CACNG5: variants seen among roughly 807,000 people sequenced by gnomAD.
CACNG5 encodes the protein voltage-dependent calcium channel gamma-5 subunit.
In CACNG5, 18 loss-of-function variants were observed where a neutral mutation model predicts 24.8. The observed-to-expected ratio is 0.73, with a 90% CI of 0.50 to 1.08. The LOEUF is 1.08. Among genes scored for constraint, CACNG5 ranks in the 50% least tolerant of loss-of-function variants. The probability of loss-of-function intolerance (pLI) is 0.00; values close to 1 mark genes in which losing one functional copy is unlikely to be tolerated. For synonymous variants in CACNG5, 157 were observed against 149.1 expected, an observed-to-expected ratio of 1.05 and a Z score of -0.39; for missense variants, 349 against 367.9, an observed-to-expected ratio of 0.95 and a Z score of 0.42.
rs910253072 is a variant in CACNG5 at position 66,835,173 on chromosome 17, C to A, written c.-181C>A. On this transcript the variant is annotated 5_prime_UTR_variant, in exon 1 of 6. Transcript: ENST00000533854. ...GGGGCGGGCGTCCCGGGCAGCCTAG[C>A]GCGGTACCTCCCGCCCCGCGCGCCC... is the stretch of plus-strand genomic sequence containing the variant. 33 of 152,386 alleles carry A rather than the reference C, an allele frequency of 2.2e-4. No individual in the cohort carries two copies. The highest frequency in any genetic ancestry group is 7.9e-4 in the African/African-American group (33 of 41,592). 9.4% of individuals were successfully genotyped at this position (152,386 alleles called of 1,614,324 possible). A position where few individuals can be genotyped will look rare whatever the true frequency, so the allele number is the denominator to read the frequency against.
intron 1 of CACNG5, among the ~76,000 whole-genome samples, chr17:66,857,042 C>A (rs1976788250): frequency 2.1e-5 from 3 of 146,230 alleles, no homozygotes; most frequent in Non-Finnish European, 3.0e-5. Context: ...ATATAGAAAA[C>A]ACATTTTTAT....
chr17:66,861,899 G>A (rs759968105), intron 1 of CACNG5, among the ~76,000 whole-genome samples: 34 of 152,254 alleles, frequency 2.2e-4, no homozygotes, highest in Admixed American at 3.9e-4. Context: ...TAAGGAAGAA[G>A]AAAGCATGCA....
At chr17:66,838,665 A>G (rs1303125965) in intron 1 of CACNG5, among the ~76,000 whole-genome samples, 1 of 152,100 alleles carries the variant, frequency 6.6e-6, no homozygotes, top group African/African-American at 2.4e-5. Flanking sequence ...CACCCAAGGG[A>G]CCATCCTTAA....
intron 1 of CACNG5, among the ~76,000 whole-genome samples, chr17:66,847,440 A>G (rs541538705): frequency 6.6e-6 from 1 of 152,228 alleles, no homozygotes; most frequent in Non-Finnish European, 1.5e-5. Flanking sequence ...GCAAAAGCAC[A>G]TCTTACATGG....
chr17:66,872,680 C>T (rs1034185835), intron 1 of CACNG5, among the ~76,000 whole-genome samples: 2 of 152,142 alleles, frequency 1.3e-5, no homozygotes, highest in South Asian at 4.1e-4. Context: ...GCACTTCTCC[C>T]CTCTGGATCT....
chr17:66,871,804 G>A (rs1199464861), intron 1 of CACNG5, among the ~76,000 whole-genome samples: 1 of 152,150 alleles, frequency 6.6e-6, no homozygotes. Context: ...AGCTTGCAGT[G>A]AGCCAAGATC....
chr17:66,862,740 C>T (rs560164823), intron 1 of CACNG5, among the ~76,000 whole-genome samples: 2 of 144,356 alleles, frequency 1.4e-5, no homozygotes, highest in African/African-American at 2.6e-5. Flanking sequence ...TCAATATAGC[C>T]GTAAAGTACA....
At chr17:66,859,848 C>T (rs1231431169) in intron 1 of CACNG5, among the ~76,000 whole-genome samples, 1 of 152,114 alleles carries the variant, frequency 6.6e-6, no homozygotes, top group Non-Finnish European at 1.5e-5. Context: ...CCCCCTTCCC[C>T]TCTTCTCTCC....
chr17:66,836,843 C>T (rs1231130723), intron 1 of CACNG5, among the ~76,000 whole-genome samples: 1 of 152,218 alleles, frequency 6.6e-6, no homozygotes, highest in African/African-American at 2.4e-5. Context: ...GCTGGCTGCA[C>T]CCCAGGCCCC....
intron 1 of CACNG5, among the ~76,000 whole-genome samples, chr17:66,870,060 G>A (rs1475697141): frequency 6.6e-6 from 1 of 151,692 alleles, no homozygotes; most frequent in African/African-American, 2.4e-5. Flanking sequence ...TCCAGCCTGG[G>A]CAAAAAGAGT....
chr17:66,877,324 T>A lies in CACNG5; in HGVS notation c.-9T>A, dbSNP rs1179080070. Reference sequence around the variant, plus strand: ...GTGGCGACTAGTTGCACAGCAACGGTCCAGGAAGATGAGTGCCTGCGGGAG... The same window carrying A: ...GTGGCGACTAGTTGCACAGCAACGGACCAGGAAGATGAGTGCCTGCGGGAG... On this transcript the variant is annotated 5_prime_UTR_variant, in exon 2 of 6. Transcript: ENST00000533854. 6.2e-7 allele frequency: 1 copy of A among 1,612,192 alleles called. No homozygotes were observed. Among genetic ancestry groups the A allele is most frequent in the Non-Finnish European group, 8.5e-7 (1 of 1,178,876 alleles).
Position 66,877,548 on chromosome 17 carries a change from G to A in CACNG5, c.196+20G>A. 1.2e-6 allele frequency: 2 copies of A among 1,606,594 alleles called. No individual in the cohort carries two copies. The highest frequency in any genetic ancestry group is 1.7e-5 in the Admixed American group (1 of 59,866). On this transcript the variant is annotated intron_variant, in intron 2 of 5. Coordinates refer to ENST00000533854, the MANE Select transcript of CACNG5 (RefSeq NM_145811.3). ...TTGCAGGTAAGGGTGCCCAGGGTTG[G>A]GGACAGCCCTGCCCCCTGACATCAC...
intron 1 of CACNG5, among the ~76,000 whole-genome samples, chr17:66,851,549 T>C (rs1976709636): frequency 6.6e-6 from 1 of 152,200 alleles, no homozygotes; most frequent in Admixed American, 6.5e-5. Context: ...CCAATGTGTT[T>C]AAAACAACAA....
rs763479267 is a variant in CACNG5, at chr17:66,886,030, A to G, written c.*790A>G. On this transcript the variant is annotated 3_prime_UTR_variant, in exon 6 of 6. Coordinates refer to ENST00000533854, the MANE Select transcript of CACNG5 (RefSeq NM_145811.3). ...ACAGGAGCCTTTTATGCCTTAACCC[A>G]AATAACTGATTCTGACAATGAGAAT... 2.0e-5 allele frequency among the ~76,000 whole-genome samples: 3 copies of G among 152,232 alleles called. No homozygotes were observed. Among genetic ancestry groups the G allele is most frequent in the African/African-American group, 4.8e-5 (2 of 41,460 alleles).
Position 66,884,562 on chromosome 17 carries a change from C to A in CACNG5, c.471C>A (p.Asn157Lys). Residue 157 changes from asparagine to lysine, a missense_variant, in exon 5 of 6, where the codon AAC becomes AAA. Asn to Lys is a moderately conservative substitution (Grantham distance 94, BLOSUM62 0). Coordinates refer to ENST00000533854, the MANE Select transcript of CACNG5 (RefSeq NM_145811.3). Reference protein sequence around the residue: ...VGLVLYISSINDEMLNRTKDA... With the variant: ...VGLVLYISSIKDEMLNRTKDA... ...TGGTGCTCTACATCTCCAGCATCAA[C>A]GATGAGATGCTCAACAGGACCAAGG... 1 of 1,613,946 alleles carries A rather than the reference C, an allele frequency of 6.2e-7. No individual in the cohort carries two copies. The highest frequency in any genetic ancestry group is 8.5e-7 in the Non-Finnish European group (1 of 1,179,900).
At chr17:66,867,900 A>G (rs1976952610) in intron 1 of CACNG5, among the ~76,000 whole-genome samples, 1 of 152,216 alleles carries the variant, frequency 6.6e-6, no homozygotes, top group Non-Finnish European at 1.5e-5. Context: ...GAAGTCATGT[A>G]GCATGATGCC....
chr17:66,884,933 T>C (rs1977231209), intron 5 of CACNG5, 50 bp from the exon 6 acceptor site: 1 of 1,614,078 alleles, frequency 6.2e-7, no homozygotes, highest in South Asian at 1.1e-5. Flanking sequence ...CCAAGGGAGA[T>C]GAGGCAGGCC....
intron 1 of CACNG5, among the ~76,000 whole-genome samples, chr17:66,853,750 A>G (rs939403765): frequency 8.5e-5 from 13 of 152,254 alleles, no homozygotes; most frequent in African/African-American, 3.1e-4. Context: ...CAATATAATT[A>G]TAAAACAAAC....
intron 3 of CACNG5, among the ~76,000 whole-genome samples, chr17:66,879,505 C>A (rs1372895759): frequency 1.3e-5 from 2 of 152,206 alleles, no homozygotes; most frequent in Non-Finnish European, 2.9e-5. Flanking sequence ...GCACTTCTGA[C>A]CAATTAGCTC....
Sources: gnomAD v4.1 joint callset for allele counts (sites outside exome capture counted in the v4.1 genomes callset) on GRCh38, gnomAD v4.1.1 for gene constraint, MANE v1.5 for transcripts, NCBI Gene and HGNC (gene_info 2026-07-23, HGNC 2026-07-21) for gene names.